ZNF462: variants seen among roughly 807,000 people sequenced by gnomAD.
ZNF462 encodes zinc finger PBX1-interacting protein.
A neutral mutation model predicts 201.9 loss-of-function variants in ZNF462; 10 were observed. The observed-to-expected ratio is 0.05, with a 90% CI of 0.03 to 0.08. The LOEUF (loss-of-function observed/expected upper bound fraction) is 0.08. ZNF462 is among the 10% of genes least tolerant of loss of function. The pLI, the probability that ZNF462 is intolerant of heterozygous loss-of-function variation, is 1.00. For missense variants in ZNF462, 2,523 were observed against 3,168.3 expected (o/e 0.80, Z 4.89); for synonymous variants, 1,227 against 1,193.3 (o/e 1.03, Z -0.58).
chr9:106,991,057 A>C (rs1828238181), intron 10 of ZNF462, among the ~76,000 whole-genome samples: 1 of 151,974 alleles, frequency 6.6e-6, no homozygotes, highest in Admixed American at 6.6e-5. Context: ...TATAAAAGTC[A>C]AGGACCATAA....
chr9:107,002,308 C>T (rs1238592138), intron 10 of ZNF462, among the ~76,000 whole-genome samples: 1 of 152,160 alleles, frequency 6.6e-6, no homozygotes, highest in Non-Finnish European at 1.5e-5. Context: ...TCTCATTCAT[C>T]TTGTATGTCC....
At chr9:106,912,032 G>A (rs1257823701) in intron 1 of ZNF462, among the ~76,000 whole-genome samples, 1 of 152,156 alleles carries the variant, frequency 6.6e-6, no homozygotes, top group East Asian at 1.9e-4. Flanking sequence ...GTTCCACAAA[G>A]AGGCTGGCTT....
Position 106,974,403 on chromosome 9 carries a change from C to T in ZNF462, c.6832+130C>T, listed in dbSNP as rs775553019. The T allele has an allele frequency of 7.1e-7, 1 of 1,406,514 alleles. No individual in the cohort carries two copies. The highest frequency in any genetic ancestry group is 1.0e-6 in the Non-Finnish European group (1 of 993,404). The allele number at this position is 1,406,514 out of a possible 1,614,324, so 87.1% of individuals were successfully genotyped here. A position where few individuals can be genotyped will look rare whatever the true frequency, so the allele number is the denominator to read the frequency against. ...CCTCACCTTATCTTCAGGCAAGAAACCACAGTGATAACCACAGTGACAGCC... is the reference window on the plus strand; with the variant it reads ...CCTCACCTTATCTTCAGGCAAGAAATCACAGTGATAACCACAGTGACAGCC... On this transcript the variant is annotated intron_variant, in intron 9 of 12. Transcript: ENST00000277225. The surrounding 1 kb of genome is among the most constrained non-coding windows in gnomAD (Gnocchi z 4.0).
rs1270295101 is a variant in ZNF462 at position 106,962,793 on chromosome 9, A to T, written c.6428-9212A>T. Among the ~76,000 whole-genome samples the T allele has an allele frequency of 6.6e-6, 1 of 151,994 alleles. No homozygotes were observed. The highest frequency in any genetic ancestry group is 1.5e-5 in the Non-Finnish European group (1 of 67,960). ...GTTTGTTTTTCCGTTTGCCTCCATG[A>T]CAACGGAGTCCAGAATTCCTATATA... On this transcript the variant is annotated intron_variant, in intron 7 of 12. Coordinates refer to ENST00000277225, the MANE Select transcript of ZNF462 (RefSeq NM_021224.6). This position sits in a 1 kb window ranked among gnomAD's most constrained non-coding sequence, Gnocchi z 4.6.
intron 1 of ZNF462, among the ~76,000 whole-genome samples, chr9:106,907,625 A>G (rs1424300848): frequency 6.6e-6 from 1 of 151,940 alleles, no homozygotes; most frequent in Non-Finnish European, 1.5e-5. Context: ...GTTGTTAATT[A>G]GGCTAGCTAA....
intron 9 of ZNF462, chr9:106,979,007 C>A: frequency 4.5e-6 from 1 of 221,222 alleles, no homozygotes. Context: ...CTAGACACCC[C>A]AATTTGGCCA....
intron 7 of ZNF462, among the ~76,000 whole-genome samples, chr9:106,941,053 T>G (rs1473425725): frequency 6.6e-6 from 1 of 152,190 alleles, no homozygotes; most frequent in African/African-American, 2.4e-5. Flanking sequence ...GACATTTTTC[T>G]CAATGTCATA....
Position 106,928,109 on chromosome 9 carries a change from T to A in ZNF462, c.4197T>A (p.Asp1399Glu). The A allele has an allele frequency of 6.2e-7, 1 of 1,614,212 alleles. No individual in the cohort carries two copies. The highest frequency in any genetic ancestry group is 1.1e-5 in the South Asian group (1 of 91,080). Residue 1399 changes from aspartate (D) to glutamate (E), a missense_variant, in exon 3 of 13, where the codon GAT becomes GAA. Asp to Glu is a conservative substitution (Grantham distance 45). Around this residue, in one of 15 missense-constraint regions of ZNF462, gnomAD observed 165 missense variants for 142.6 expected, o/e 1.16. Coordinates refer to ENST00000277225, the MANE Select transcript of ZNF462 (RefSeq NM_021224.6). The surrounding 1 kb of genome is among the most constrained non-coding windows in gnomAD (Gnocchi z 9.3). ...QAFHPWAMNG[D>E]ESVLLDIIKE... is the part of the protein sequence containing the mutation. Reference sequence around the variant, plus strand: ...TCCACCCCTGGGCCATGAATGGTGATGAGTCAGTGCTACTGGACATCATCA... The same window carrying A: ...TCCACCCCTGGGCCATGAATGGTGAAGAGTCAGTGCTACTGGACATCATCA...
rs904177650 is a variant in ZNF462, at chr9:106,966,745, A to C, written c.6428-5260A>C. ...TTGCTGAATGAATGGGTGTAATTGA[A>C]TCATTTGCCCCTTGGCCACCTCTAA... On this transcript the variant is annotated intron_variant, in intron 7 of 12. Transcript: ENST00000277225. This position sits in a 1 kb window ranked among gnomAD's most constrained non-coding sequence, Gnocchi z 4.4. Among the ~76,000 whole-genome samples, 2 of 152,158 alleles carry C rather than the reference A, an allele frequency of 1.3e-5. No individual in the cohort carries two copies. The highest frequency in any genetic ancestry group is 2.9e-5 in the Non-Finnish European group (2 of 68,014).
At chr9:106,893,297 A>G (rs1021737026) in intron 1 of ZNF462, among the ~76,000 whole-genome samples, 47 of 152,238 alleles carry the variant, frequency 3.1e-4, no homozygotes, top group African/African-American at 1.1e-3. Context: ...TGGATGACTC[A>G]CCCACAAATG....
chr9:106,982,174 T>C (rs1216334921), intron 9 of ZNF462, among the ~76,000 whole-genome samples: 1 of 152,214 alleles, frequency 6.6e-6, no homozygotes, highest in Non-Finnish European at 1.5e-5. Flanking sequence ...TTACCCAGCG[T>C]AGTTGCAGTT....
intron 1 of ZNF462, among the ~76,000 whole-genome samples, chr9:106,879,089 C>T (rs1475311905): frequency 2.6e-5 from 4 of 152,182 alleles, no homozygotes; most frequent in South Asian, 2.1e-4. Context: ...CCAGCCCTGA[C>T]GCACTGGTAA....
intron 7 of ZNF462, 52 bp downstream of exon 7, chr9:106,939,159 G>C: frequency 7.0e-7 from 1 of 1,432,508 alleles, no homozygotes; most frequent in Non-Finnish European, 9.3e-7. Context: ...GAGGTGGGCT[G>C]GGATTCATTG....
At chr9:106,908,388 A>G (rs1829363322) in intron 1 of ZNF462, among the ~76,000 whole-genome samples, 1 of 152,108 alleles carries the variant, frequency 6.6e-6, no homozygotes, top group African/African-American at 2.4e-5. Context: ...TGTGGATTGT[A>G]CTTTTACATT....
intron 7 of ZNF462, among the ~76,000 whole-genome samples, chr9:106,943,472 A>G (rs758622500): frequency 1.9e-4 from 29 of 152,070 alleles, no homozygotes; most frequent in Non-Finnish European, 2.9e-4. Flanking sequence ...TGACATTCCT[A>G]CCATCTCTCT....
rs74712209 is a variant in ZNF462, at chr9:106,947,263, C to T, written c.6427+8156C>T. Among the ~76,000 whole-genome samples, 79 of 152,296 alleles carry T rather than the reference C, an allele frequency of 5.2e-4. 1 individual carries two copies. The East Asian group carries it at 0.015, about 29-fold the overall frequency. On this transcript the variant is annotated intron_variant, in intron 7 of 12. Coordinates refer to ENST00000277225, the MANE Select transcript of ZNF462 (RefSeq NM_021224.6). ...TAAAGTTTCATTTCCCAGCACACTG[C>T]TTGTGGAGAAGTCATTCCAAGGCTA...
intron 4 of ZNF462, among the ~76,000 whole-genome samples, chr9:106,931,465 C>T (rs1052947757): frequency 6.6e-6 from 1 of 152,234 alleles, no homozygotes; most frequent in Non-Finnish European, 1.5e-5. Flanking sequence ...ATCTGCCCTT[C>T]TTGAGCTTAC....
intron 1 of ZNF462, among the ~76,000 whole-genome samples, chr9:106,879,655 C>T (rs193273018): frequency 5.3e-5 from 8 of 152,196 alleles, no homozygotes; most frequent in Non-Finnish European, 7.4e-5. Context: ...GCAATCATCT[C>T]GGAACATTGT....
intron 7 of ZNF462, among the ~76,000 whole-genome samples, chr9:106,946,852 A>T (rs1831129688): frequency 6.6e-6 from 1 of 152,146 alleles, no homozygotes. Flanking sequence ...TGAGAATAAG[A>T]TGCCAGAAAT....
Sources: allele counts gnomAD v4.1 joint callset (sites outside exome capture counted in the v4.1 genomes callset), GRCh38; gene constraint gnomAD v4.1.1; regional missense constraint gnomAD v4.1.1; non-coding constraint Gnocchi (gnomAD v3.1); transcripts MANE v1.5; gene names NCBI Gene and HGNC (gene_info 2026-07-23, HGNC 2026-07-21).